The following SUMF1 variants were observed in gnomAD, a reference collection of about 807,000 sequenced individuals.
The protein encoded by SUMF1 is sulfatase modifying factor 1, also known as formylglycine-generating enzyme.
In SUMF1, 48 loss-of-function variants were observed where a neutral mutation model predicts 47.6. That is an observed-to-expected ratio of 1.01 (90% CI 0.80 to 1.28). The LOEUF (loss-of-function observed/expected upper bound fraction) is 1.28. SUMF1 is among the 50% of genes most tolerant of loss of function. SUMF1 has a pLI of 0.00. For synonymous variants in SUMF1, 230 were observed against 192.1 expected (o/e 1.20, Z -1.63); for missense variants, 571 against 485.4 (o/e 1.18, Z -1.66).
rs1294046184 is a variant in SUMF1, at chr3:4,452,940, T to A, written c.380A>T (p.Asp127Val). 6.2e-7 allele frequency: 1 copy of A among 1,614,206 alleles called. No homozygotes were observed. The highest frequency in any genetic ancestry group is 1.7e-5 in the Admixed American group (1 of 60,032). ...TTCAGTATTACTGACTTCATAGGCATCCATGTAAAAGGCATCAATAGTAAC... is the reference window on the plus strand; with the variant it reads ...TTCAGTATTACTGACTTCATAGGCAACCATGTAAAAGGCATCAATAGTAAC... ...RRVTIDAFYMDAYEVSNTEFE... is the reference protein window; with the variant it reads ...RRVTIDAFYMVAYEVSNTEFE... The change falls in exon 2 of 9, where the codon GAT becomes GTT. Residue 127 changes from aspartate (D) to valine (V), a missense_variant. Coordinates refer to ENST00000272902, the MANE Select transcript of SUMF1 (RefSeq NM_182760.4).
chr3:4,229,361 C>T (rs751216117), intron 8 of SUMF1: 1 of 411,944 alleles, frequency 2.4e-6, no homozygotes. Flanking sequence ...TATAAATGTC[C>T]ACAGCCCCAA....
rs141324208 is a variant in SUMF1 at position 4,230,587 on chromosome 3, T to A, written c.1014+145743A>T. Among the ~76,000 whole-genome samples, 18 of 152,210 alleles carry A rather than the reference T, an allele frequency of 1.2e-4. No individual in the cohort carries two copies. In the East Asian group the frequency reaches 2.9e-3, roughly 25 times the overall value. On this transcript the variant is annotated intron_variant and NMD_transcript_variant, in intron 8 of 12. Transcript: ENST00000448413. ...CCGGATACGCCACCTTCCCAGCACCTCAACATGTTCACCAAACTGGAAGTT... is the reference window on the plus strand; with the variant it reads ...CCGGATACGCCACCTTCCCAGCACCACAACATGTTCACCAAACTGGAAGTT...
chr3:4,434,412 T>G (rs141355427), intron 3 of SUMF1, among the ~76,000 whole-genome samples: 313 of 152,358 alleles, frequency 2.1e-3, no homozygotes, highest in African/African-American at 6.9e-3. Flanking sequence ...TAGTAAATCT[T>G]TTCAAAACAT....
chr3:4,438,463 C>T (rs886109511), intron 3 of SUMF1, among the ~76,000 whole-genome samples: 3 of 152,126 alleles, frequency 2.0e-5, no homozygotes, highest in Non-Finnish European at 4.4e-5. Flanking sequence ...GATATCTGAT[C>T]AAACTCCTCA....
chr3:4,337,499 T>C (rs1559231516), intron 8 of SUMF1, among the ~76,000 whole-genome samples: 1 of 152,170 alleles, frequency 6.6e-6, no homozygotes, highest in Admixed American at 6.5e-5. Context: ...CCCGGATTTA[T>C]AAGGGCAGCC....
At chr3:4,172,023 G>A (rs771438019) in intron 8 of SUMF1, among the ~76,000 whole-genome samples, 10 of 152,156 alleles carry the variant, frequency 6.6e-5, no homozygotes, top group Non-Finnish European at 1.3e-4. Flanking sequence ...GCAATATGAC[G>A]GGTTGAATGT....
intron 9 of SUMF1, among the ~76,000 whole-genome samples, chr3:4,065,393 C>A (rs1028117667): frequency 3.3e-5 from 5 of 152,114 alleles, no homozygotes; most frequent in African/African-American, 1.2e-4. Flanking sequence ...ATGAGATTTG[C>A]ATGTAAATCT....
At chr3:4,255,050 A>C (rs948094058) in intron 8 of SUMF1, among the ~76,000 whole-genome samples, 1 of 150,580 alleles carries the variant, frequency 6.6e-6, no homozygotes, top group Non-Finnish European at 1.5e-5. Context: ...AATCCTTTAC[A>C]GACAAGCAAA....
At chr3:4,440,708 T>C (rs539646439) in intron 3 of SUMF1, among the ~76,000 whole-genome samples, 2 of 152,348 alleles carry the variant, frequency 1.3e-5, no homozygotes, top group African/African-American at 2.4e-5. Flanking sequence ...TCAATGAAAG[T>C]GACTTTCAGT....
chr3:4,206,065 T>C (rs996402676), intron 8 of SUMF1, among the ~76,000 whole-genome samples: 1 of 152,158 alleles, frequency 6.6e-6, no homozygotes, highest in East Asian at 1.9e-4. Context: ...ATCTAGGAAC[T>C]AGGGCCTGAA....
intron 5 of SUMF1, 57 bp from the exon 6 acceptor site, chr3:4,417,299 G>T: frequency 7.0e-7 from 1 of 1,424,010 alleles, no homozygotes; most frequent in Non-Finnish European, 9.9e-7. Flanking sequence ...TTGGATGAAA[G>T]TCAAGAGAAG....
intron 6 of SUMF1, among the ~76,000 whole-genome samples, chr3:4,415,708 G>T (rs1701690632): frequency 6.6e-6 from 1 of 152,152 alleles, no homozygotes. Flanking sequence ...AGCTACTCGG[G>T]AGGTTGAAAT....
intron 1 of SUMF1, among the ~76,000 whole-genome samples, chr3:4,462,847 A>G (rs1008390059): frequency 1.3e-5 from 2 of 152,212 alleles, no homozygotes; most frequent in African/African-American, 4.8e-5. Context: ...GCCTCTACAG[A>G]CAGACACTAA....
chr3:4,158,089 C>G (rs563478484), intron 8 of SUMF1, among the ~76,000 whole-genome samples: 3 of 151,628 alleles, frequency 2.0e-5, no homozygotes, highest in African/African-American at 7.3e-5. Context: ...CTGCCCTGTG[C>G]CAGGTGTTGT....
chr3:4,368,452 A>G (rs914714240), intron 8 of SUMF1, among the ~76,000 whole-genome samples: 1 of 152,166 alleles, frequency 6.6e-6, no homozygotes, highest in African/African-American at 2.4e-5. Flanking sequence ...ATCTAGAACT[A>G]GAAATACCAT....
At position 4,362,080 on chromosome 3, in the gene SUMF1, G is replaced by A. The variant is rs961065351; in HGVS notation, c.*64C>T. On this transcript the variant is annotated 3_prime_UTR_variant, in exon 9 of 9. Transcript: ENST00000272902. ...TTTGCATGGGATCGTTCAAAGTTCT[G>A]AGAAAAGCCCAATGTAGGTCAGACA... 8.0e-6 allele frequency: 12 copies of A among 1,493,406 alleles called. No individual in the cohort carries two copies. In the Admixed American group the frequency reaches 1.3e-4, roughly 17 times the overall value. The allele number at this position is 1,493,406 out of a possible 1,614,324, so 92.5% of individuals were successfully genotyped here.
chr3:4,271,051 C>T (rs310692), intron 8 of SUMF1, among the ~76,000 whole-genome samples: 89,450 of 151,996 alleles, frequency 0.59, 26,805 homozygotes, highest in African/African-American at 0.67. Flanking sequence ...ATAACTGAAA[C>T]GCAAAGGATA....
chr3:4,448,079 T>G (rs1223018068), intron 3 of SUMF1, among the ~76,000 whole-genome samples: 2 of 152,010 alleles, frequency 1.3e-5, no homozygotes, highest in African/African-American at 2.4e-5. Flanking sequence ...AGATTACATA[T>G]TAGACTTATA....
At chr3:4,273,791 G>GGGAGGATAC (rs1697356866) in intron 8 of SUMF1, among the ~76,000 whole-genome samples, 1 of 96,798 alleles carries the variant, frequency 1.0e-5, no homozygotes, top group African/African-American at 4.3e-5. Flanking sequence ...GGATACGGGA[G>GGGAGGATAC]GGGAGGGCAT....
Sources: allele counts gnomAD v4.1 joint callset (sites outside exome capture counted in the v4.1 genomes callset), GRCh38; gene constraint gnomAD v4.1.1; transcripts MANE v1.5; gene names NCBI Gene and HGNC (gene_info 2026-07-23, HGNC 2026-07-21).